The following FIG4 variants were observed in gnomAD, a reference collection of about 807,000 sequenced individuals.
The protein encoded by FIG4 is polyphosphoinositide phosphatase.
A neutral mutation model predicts 118.6 loss-of-function variants in FIG4; 112 were observed. The observed-to-expected ratio is 0.94, with a 90% CI of 0.81 to 1.11. The LOEUF is 1.11. Ranked by LOEUF, FIG4 falls within the 50% of genes least tolerant of loss-of-function variation. FIG4 has a pLI of 0.00. For missense variants in FIG4, 969 were observed against 1,111.7 expected (o/e 0.87, Z 1.83); for synonymous variants, 369 against 381.2 (o/e 0.97, Z 0.37).
chr6:109,822,787 GTATATATATATATATATATATATATA>G lies in FIG4; in HGVS notation c.2547-2285_2547-2260del, dbSNP rs10523453. Among the ~76,000 whole-genome samples the G allele has an allele frequency of 4.5e-3, 538 of 120,438 alleles. 27 individuals carry two copies. In the East Asian group the frequency reaches 0.1, roughly 23 times the overall value. 79.0% of individuals were successfully genotyped at this position (120,438 alleles called of 152,430 possible). ...TGTATATATATGTGTGTGTGTGTAT[GTATATATATATATATATATATATATA>G]TATATATATATATATCGCTTTCTTC... On this transcript the variant is annotated intron_variant, in intron 22 of 22. Coordinates refer to ENST00000230124, the MANE Select transcript of FIG4 (RefSeq NM_014845.6).
intron 10 of FIG4, among the ~76,000 whole-genome samples, chr6:109,749,055 C>CTGTGTGTGTGTGTGTGTGTGTG (rs113357544): frequency 6.0e-5 from 8 of 132,482 alleles, no homozygotes; most frequent in East Asian, 2.4e-4. Flanking sequence ...CAAAGGAGCT[C>CTGTGTGTGTGTGTGTGTGTGTG]TGTGTGTGTG....
intron 5 of FIG4, among the ~76,000 whole-genome samples, chr6:109,733,932 A>C (rs1162812528): frequency 6.6e-6 from 1 of 151,996 alleles, no homozygotes; most frequent in Non-Finnish European, 1.5e-5. Flanking sequence ...GTGCCTCATA[A>C]GTAGGCTTTT....
intron 22 of FIG4, among the ~76,000 whole-genome samples, chr6:109,808,664 C>A (rs1210398077): frequency 6.6e-6 from 1 of 151,976 alleles, no homozygotes; most frequent in Non-Finnish European, 1.5e-5. Context: ...GACAGACAGA[C>A]AAACTATGTT....
intron 1 of FIG4, among the ~76,000 whole-genome samples, chr6:109,702,251 G>A (rs1774930241): frequency 6.6e-6 from 1 of 152,122 alleles, no homozygotes; most frequent in East Asian, 1.9e-4. Context: ...AGAAGATAAT[G>A]TTAGTAGATA....
chr6:109,811,065 T>TAC (rs1470370908), intron 22 of FIG4, among the ~76,000 whole-genome samples: 2 of 152,228 alleles, frequency 1.3e-5, no homozygotes, highest in African/African-American at 4.8e-5. Flanking sequence ...CTTTCTCATG[T>TAC]GCAGTGTTGG....
chr6:109,727,134 T>G lies in FIG4; in HGVS notation c.315T>G (p.Tyr105Ter). The change falls in exon 4 of 23, where the codon TAT (tyrosine) becomes TAG (stop). Residue 105 changes from tyrosine to a stop codon, truncating the protein, a stop_gained. Transcript: ENST00000230124. LOFTEE classifies it high-confidence loss of function. ...VVGFVRFLEG[Y>*]YIVLITKRRK... ...GTTTTGTCAGGTTCTTAGAAGGCTATTATATTGTGTTAATAACTAAAAGGA... is the reference window on the plus strand; with the variant it reads ...GTTTTGTCAGGTTCTTAGAAGGCTAGTATATTGTGTTAATAACTAAAAGGA... The G allele has an allele frequency of 2.5e-6, 4 of 1,611,126 alleles. No individual in the cohort carries two copies. The highest frequency in any genetic ancestry group is 3.4e-6 in the Non-Finnish European group (4 of 1,177,306).
chr6:109,737,224 A>G (rs1583665385), intron 6 of FIG4, among the ~76,000 whole-genome samples: 1 of 152,134 alleles, frequency 6.6e-6, no homozygotes, highest in Admixed American at 6.6e-5. Flanking sequence ...AAATGGAGTG[A>G]GGGTAGAAGG....
chr6:109,692,592 C>T (rs963325007), intron 1 of FIG4, among the ~76,000 whole-genome samples: 3 of 152,138 alleles, frequency 2.0e-5, no homozygotes, highest in Non-Finnish European at 4.4e-5. Context: ...CAAGTATTTT[C>T]AGTTCTCTAA....
In FIG4 at chr6:109,758,524, A is replaced by G. The variant is rs11153218; in HGVS notation, c.1138-1726A>G. Among the ~76,000 whole-genome samples, 858 of 152,328 alleles carry G rather than the reference A, an allele frequency of 5.6e-3. 9 individuals carry two copies. Among genetic ancestry groups the G allele is most frequent in the African/African-American group, 0.02 (826 of 41,576 alleles). On this transcript the variant is annotated intron_variant, in intron 10 of 22. Coordinates refer to ENST00000230124, the MANE Select transcript of FIG4 (RefSeq NM_014845.6). The stretch of plus-strand genomic sequence containing the variant: ...AAAGCCCTAGAAGAAAACCTAGGCA[A>G]TACTATTCAGGACATAGGCATAGGC...
chr6:109,756,288 G>C (rs1363126384), intron 10 of FIG4, among the ~76,000 whole-genome samples: 1 of 152,196 alleles, frequency 6.6e-6, no homozygotes, highest in African/African-American at 2.4e-5. Context: ...GGCTTGTAGA[G>C]TTTCTGCCAA....
chr6:109,799,858 C>T (rs149205056), intron 22 of FIG4, among the ~76,000 whole-genome samples: 1 of 152,226 alleles, frequency 6.6e-6, no homozygotes, highest in African/African-American at 2.4e-5. Flanking sequence ...ACTGTCAGCC[C>T]AGGCACCCTA....
chr6:109,823,361 TCATGAGCAGACAAC>T (rs2128402336), intron 22 of FIG4, among the ~76,000 whole-genome samples: 1 of 152,302 alleles, frequency 6.6e-6, no homozygotes, highest in East Asian at 1.9e-4. Context: ...TTGAAGGGCC[TCATGAGCAGACAAC>T]CTGCTCTCCT....
chr6:109,712,062 T>G (rs907028475), intron 1 of FIG4, among the ~76,000 whole-genome samples: 4 of 152,362 alleles, frequency 2.6e-5, no homozygotes, highest in African/African-American at 9.6e-5. Flanking sequence ...ATTCTTTTCT[T>G]CAAGAAGGTG....
chr6:109,819,045 A>G (rs2128401635), intron 22 of FIG4, among the ~76,000 whole-genome samples: 1 of 152,258 alleles, frequency 6.6e-6, no homozygotes, highest in South Asian at 2.1e-4. Context: ...GACCCACTCC[A>G]TTCCCTGTAA....
chr6:109,786,324 GA>G lies in FIG4; in HGVS notation c.1973del (p.Lys658SerfsTer2). On this transcript the variant is annotated frameshift_variant, in exon 18 of 23. Transcript: ENST00000230124. LOFTEE classifies it high-confidence loss of function. ...DEVICAVNLK[K>X]LIVKKFHKYE... is the part of the protein sequence containing the mutation. The stretch of plus-strand genomic sequence containing the variant: ...TAGTTATCTGTGCTGTGAACTTAAA[GA>G]AGTTGATAGTGAAGAAATTCCACAA... 1 of 1,613,244 alleles carries G rather than the reference GA, an allele frequency of 6.2e-7. No individual in the cohort carries two copies.
chr6:109,752,495 T>C (rs9689859), intron 10 of FIG4, among the ~76,000 whole-genome samples: 121,142 of 151,096 alleles, frequency 0.8, 48,846 homozygotes, highest in African/African-American at 0.9. Flanking sequence ...TCCTCTCCAG[T>C]ACCTGTTGTT....
intron 22 of FIG4, among the ~76,000 whole-genome samples, chr6:109,814,847 A>G (rs189196568): frequency 5.9e-5 from 9 of 152,236 alleles, no homozygotes; most frequent in African/African-American, 2.2e-4. Context: ...GATTATTTTT[A>G]GTGGAAAATG....
rs1296081777 is a variant in FIG4, at chr6:109,738,362, T to C, written c.684T>C (p.Tyr228=). 3.7e-6 allele frequency: 6 copies of C among 1,610,102 alleles called. No homozygotes were observed. The Admixed American group carries it at 8.3e-5, about 22-fold the overall frequency. ...TCTGTAGTGAGCCTTATATGAAATATGTATGGAATGGTGAACTTCTGGATA... is the reference window on the plus strand; with the variant it reads ...TCTGTAGTGAGCCTTATATGAAATACGTATGGAATGGTGAACTTCTGGATA... ...FGICSEPYMK[Y]VWNGELLDII... is the part of the protein sequence containing the mutation. Residue 228 remains tyrosine (Y), a synonymous_variant, in exon 7 of 23, where the codon TAT becomes TAC. Coordinates refer to ENST00000230124, the MANE Select transcript of FIG4 (RefSeq NM_014845.6).
chr6:109,818,421 A>G (rs1778919828), intron 22 of FIG4, among the ~76,000 whole-genome samples: 1 of 152,192 alleles, frequency 6.6e-6, no homozygotes, highest in Admixed American at 6.5e-5. Flanking sequence ...GCTGGTCTCG[A>G]ACTCCCGACC....
Sources: allele counts gnomAD v4.1 joint callset (sites outside exome capture counted in the v4.1 genomes callset), GRCh38; gene constraint gnomAD v4.1.1; transcripts MANE v1.5; gene names NCBI Gene and HGNC (gene_info 2026-07-23, HGNC 2026-07-21).